Variants in NUP62CL observed in about 807,000 individuals in gnomAD.
The protein encoded by NUP62CL is nucleoporin 62 C-terminal like, also known as nucleoporin-62 C-terminal-like protein.
Under a neutral mutation model 15.3 loss-of-function variants are expected in NUP62CL, and 13 were observed. The ratio of observed to expected loss-of-function variants is 0.85; its 90% CI spans 0.55 to 1.35. The LOEUF (loss-of-function observed/expected upper bound fraction) is 1.35, where lower values mean the gene tolerates loss of function less well. Ranked by LOEUF, NUP62CL falls within the 40% of genes most tolerant of loss-of-function variation. NUP62CL has a pLI of 0.00. For synonymous variants in NUP62CL, 54 were observed against 49.2 expected, an observed-to-expected ratio of 1.10 and a Z score of -0.41; for missense variants, 123 against 130.6, an observed-to-expected ratio of 0.94 and a Z score of 0.28.
chrX:107,200,464 C>A (rs971131067), intron 1 of NUP62CL, among the ~76,000 whole-genome samples: 2 of 109,518 alleles, frequency 1.8e-5, no homozygotes, highest in African/African-American at 6.6e-5. Context: ...ACTAAAAATA[C>A]AAAAATTAGT....
intron 2 of NUP62CL, among the ~76,000 whole-genome samples, chrX:107,184,852 A>G (rs1296382): frequency 0.37 from 40,476 of 110,312 alleles, 8,129 homozygotes; most frequent in African/African-American, 0.76. Flanking sequence ...AGAGAAAAAT[A>G]GCATCTAACC....
At position 107,147,782 on chromosome X, in the gene NUP62CL, C is replaced by A. The variant is rs769341896; in HGVS notation, c.*3G>T. The A allele has an allele frequency of 8.4e-7, 1 of 1,197,383 alleles. No homozygotes were observed. The highest frequency in any genetic ancestry group is 2.2e-5 in the Admixed American group (1 of 45,415). ...ATCCACTGCAGGGAGTCCATATGGG[C>A]ATTCAGAATTCTGCAGATCTGGTGG... On this transcript the variant is annotated 3_prime_UTR_variant, in exon 8 of 9. Coordinates refer to ENST00000372466, the MANE Select transcript of NUP62CL (RefSeq NM_017681.3).
rs3072234 is a variant in NUP62CL at position 107,176,160 on chromosome X, CAG to C, written c.-47-969_-47-968del. Reference sequence around the variant, plus strand: ...CCCAAATAACTGACTTTATTTGAAACAGAGTGTGAGGACATTCAAGCCCAAAA... The same window carrying C: ...CCCAAATAACTGACTTTATTTGAAACAGTGTGAGGACATTCAAGCCCAAAA... On this transcript the variant is annotated intron_variant, in intron 2 of 8. Coordinates refer to ENST00000372466, the MANE Select transcript of NUP62CL (RefSeq NM_017681.3). Among the ~76,000 whole-genome samples the C allele has an allele frequency of 2.2e-3, 243 of 111,466 alleles. 1 individual carries two copies. Among genetic ancestry groups the C allele is most frequent in the African/African-American group, 7.5e-3 (229 of 30,687 alleles).
At chrX:107,141,610 AG>A (rs1457999797) in intron 8 of NUP62CL, among the ~76,000 whole-genome samples, 2 of 112,095 alleles carry the variant, frequency 1.8e-5, no homozygotes, top group East Asian at 5.6e-4. Flanking sequence ...AAAGAAAAAG[AG>A]GAAGTAAATG....
At chrX:107,183,148 G>A (rs1926957500) in intron 2 of NUP62CL, among the ~76,000 whole-genome samples, 1 of 111,995 alleles carries the variant, frequency 8.9e-6, no homozygotes, top group Non-Finnish European at 1.9e-5. Flanking sequence ...AGCTGTGATT[G>A]TGCCACTGTA....
intron 3 of NUP62CL, among the ~76,000 whole-genome samples, chrX:107,169,311 TA>T (rs1926591143): frequency 9.0e-6 from 1 of 111,086 alleles, no homozygotes; most frequent in Admixed American, 9.6e-5. Context: ...ATGAGAAATT[TA>T]AAAAAAGAAA....
At chrX:107,183,884 G>A (rs1415367099) in intron 2 of NUP62CL, among the ~76,000 whole-genome samples, 5 of 110,442 alleles carry the variant, frequency 4.5e-5, no homozygotes. Flanking sequence ...TATAAAAGAA[G>A]ACCAAACTCG....
intron 8 of NUP62CL, 78 bp from the exon 9 acceptor site, chrX:107,124,410 C>CAAA: frequency 3.2e-6 from 1 of 316,169 alleles, no homozygotes; most frequent in Admixed American, 4.1e-5. Context: ...TTCCTTTCAA[C>CAAA]ACATGATTAA....
intron 2 of NUP62CL, among the ~76,000 whole-genome samples, chrX:107,180,709 G>A (rs1277306456): frequency 9.0e-6 from 1 of 110,961 alleles, no homozygotes; most frequent in Non-Finnish European, 1.9e-5. Flanking sequence ...AATTACAGTG[G>A]TTAACTGAGT....
intron 3 of NUP62CL, among the ~76,000 whole-genome samples, chrX:107,173,971 G>T (rs933266964): frequency 8.3e-5 from 9 of 109,048 alleles, no homozygotes; most frequent in African/African-American, 3.0e-4. Context: ...AGTTTATAGA[G>T]GCCTGTAAGA....
chrX:107,135,012 AT>A (rs1350217006), intron 8 of NUP62CL, among the ~76,000 whole-genome samples: 1 of 111,638 alleles, frequency 9.0e-6, no homozygotes, highest in East Asian at 2.8e-4. Flanking sequence ...AGTAGCTGGG[AT>A]TATAGGCATG....
At chrX:107,160,762 A>T (rs1451090590) in intron 4 of NUP62CL, among the ~76,000 whole-genome samples, 21 of 111,402 alleles carry the variant, frequency 1.9e-4, no homozygotes, top group Non-Finnish European at 3.6e-4. Context: ...AATGGCAACC[A>T]AAGCCAAAAT....
At position 107,193,043 on chromosome X, in the gene NUP62CL, CA is replaced by C. The variant is rs1368373816; in HGVS notation, c.-63del. 9.0e-6 allele frequency: 1 copy of C among 110,878 alleles called. No individual in the cohort carries two copies. Among genetic ancestry groups the C allele is most frequent in the African/African-American group, 3.3e-5 (1 of 30,453 alleles). 9.1% of individuals were successfully genotyped at this position (110,878 alleles called of 1,213,427 possible). ...AATGAACCCACCTGTAAAGTTCCTC[CA>C]AAATTAAACCTGCTGATGACTCCAA... On this transcript the variant is annotated 5_prime_UTR_variant, in exon 2 of 9. Transcript: ENST00000372466.
At chrX:107,185,788 A>G (rs1364938254) in intron 2 of NUP62CL, among the ~76,000 whole-genome samples, 1 of 111,992 alleles carries the variant, frequency 8.9e-6, no homozygotes, top group East Asian at 2.8e-4. Flanking sequence ...AAATTGGTAG[A>G]AGGAATTAAA....
intron 3 of NUP62CL, among the ~76,000 whole-genome samples, chrX:107,169,740 C>T (rs1926601105): frequency 9.0e-6 from 1 of 111,562 alleles, no homozygotes; most frequent in Non-Finnish European, 1.9e-5. Flanking sequence ...AATGATAATG[C>T]CAATAGACTC....
intron 1 of NUP62CL, among the ~76,000 whole-genome samples, chrX:107,205,176 G>T (rs6622180): frequency 3.6e-5 from 4 of 111,265 alleles, no homozygotes; most frequent in African/African-American, 1.3e-4. Flanking sequence ...CTTACTGTCG[G>T]TCACAGTCAA....
At chrX:107,205,731 T>C (rs1479286920) in intron 1 of NUP62CL, among the ~76,000 whole-genome samples, 1 of 111,256 alleles carries the variant, frequency 9.0e-6, no homozygotes, top group African/African-American at 3.3e-5. Context: ...ACGGAATTTA[T>C]GGGAAACTAG....
At chrX:107,126,007 T>C (rs1376719205) in intron 8 of NUP62CL, among the ~76,000 whole-genome samples, 1 of 111,683 alleles carries the variant, frequency 9.0e-6, no homozygotes, top group Non-Finnish European at 1.9e-5. Context: ...AGAATTTTGG[T>C]CCCATGACAA....
intron 1 of NUP62CL, among the ~76,000 whole-genome samples, chrX:107,204,677 C>CATTTTAAATAAATTATTTATTTAAATAA (rs1295080890): frequency 0.014 from 848 of 62,422 alleles, 172 homozygotes; most frequent in African/African-American, 0.018. Context: ...GGGCAATCTG[C>CATTTTAAATAAATTATTTATTTAAATAA]ATTTTAAATA....
Sources: gnomAD v4.1 joint callset for allele counts (sites outside exome capture counted in the v4.1 genomes callset) on GRCh38, gnomAD v4.1.1 for gene constraint, MANE v1.5 for transcripts, NCBI Gene and HGNC (gene_info 2026-07-23, HGNC 2026-07-21) for gene names.